The following MME variants were observed in gnomAD, a reference collection of about 807,000 sequenced individuals.
MME encodes the protein membrane metalloendopeptidase.
MME carries 98 observed loss-of-function variants against 113.2 expected under a neutral mutation model. The ratio of observed to expected loss-of-function variants is 0.87; its 90% CI spans 0.74 to 1.02. The LOEUF (loss-of-function observed/expected upper bound fraction) is 1.02. MME is among the 50% of genes least tolerant of loss of function. MME has a pLI of 0.00. For missense variants in MME, 836 were observed against 896.0 expected (o/e 0.93, Z 0.86); for synonymous variants, 292 against 300.6 (o/e 0.97, Z 0.30).
In MME at chr3:155,142,254, T is replaced by C. The variant is rs200216802; in HGVS notation, c.1112T>C (p.Met371Thr). ...TTATACAGAGATCTTCAAAATTTAA[T>C]GTCCTGGAGATTCATAATGGATCTT... ...KYSARDLQNL[M>T]SWRFIMDLVS... Residue 371 changes from methionine to threonine, a missense_variant, in exon 12 of 23, where the codon ATG (methionine) becomes ACG (threonine). Physicochemically the swap from Met to Thr is moderately conservative, Grantham distance 81. Transcript: ENST00000360490. 2 of 1,613,664 alleles carry C rather than the reference T, an allele frequency of 1.2e-6. No homozygotes were observed. The highest frequency in any genetic ancestry group is 1.7e-6 in the Non-Finnish European group (2 of 1,179,690).
chr3:155,084,083 C>A, intron 1 of MME, 75 bp from the exon 2 acceptor site: 1 of 1,272,944 alleles, frequency 7.9e-7, no homozygotes, highest in South Asian at 1.2e-5. Context: ...TACTTTTATC[C>A]AGCCACATTA....
At chr3:155,127,851 A>C (rs185765721) in intron 8 of MME, among the ~76,000 whole-genome samples, 2 of 152,338 alleles carry the variant, frequency 1.3e-5, no homozygotes, top group African/African-American at 4.8e-5. Flanking sequence ...CAATTTCTTA[A>C]GAGTTGGTAC....
At chr3:155,063,229 T>A (rs1449045450) in intron 1 of MME, among the ~76,000 whole-genome samples, 41 of 111,804 alleles carry the variant, frequency 3.7e-4, no homozygotes, top group Admixed American at 3.0e-3. Flanking sequence ...CATATGTATA[T>A]TATTATATAT....
intron 19 of MME, 38 bp from the exon 20 acceptor site, chr3:155,168,693 CT>C (rs768853027): frequency 3.9e-5 from 63 of 1,611,828 alleles, no homozygotes; most frequent in Non-Finnish European, 5.3e-5. Flanking sequence ...TTGGTGGTTT[CT>C]TTTTTTAACA....
intron 12 of MME, among the ~76,000 whole-genome samples, chr3:155,143,030 C>G (rs928058145): frequency 6.6e-6 from 1 of 152,116 alleles, no homozygotes; most frequent in Non-Finnish European, 1.5e-5. Context: ...TAAATTTATA[C>G]ACATACAGGT....
chr3:155,182,344 G>A lies in MME; in HGVS notation c.*1885G>A, dbSNP rs991410439. ...GGGCACTTGAGAACTTTCCATTTTG[G>A]CGCTATTACAAATAGTGCAACTATG... On this transcript the variant is annotated 3_prime_UTR_variant, in exon 23 of 23. Transcript: ENST00000360490. 2.6e-5 allele frequency: 4 copies of A among 151,980 alleles called. No individual in the cohort carries two copies. Among genetic ancestry groups the A allele is most frequent in the Non-Finnish European group, 4.4e-5 (3 of 68,022 alleles). 9.4% of individuals were successfully genotyped at this position (151,980 alleles called of 1,614,324 possible).
chr3:155,085,006 A>C, intron 2 of MME, 53 bp from the exon 3 acceptor site: 1 of 1,292,686 alleles, frequency 7.7e-7, no homozygotes, highest in African/African-American at 1.5e-5. Flanking sequence ...AGAAAAATAG[A>C]AATTTAAAAA....
At chr3:155,070,778 C>T (rs1714524911) in intron 1 of MME, among the ~76,000 whole-genome samples, 1 of 152,128 alleles carries the variant, frequency 6.6e-6, no homozygotes, top group African/African-American at 2.4e-5. Context: ...CATTTCTTCA[C>T]CTTGCTTGTC....
At chr3:155,114,337 G>A (rs1262289070) in intron 3 of MME, among the ~76,000 whole-genome samples, 1 of 152,166 alleles carries the variant, frequency 6.6e-6, no homozygotes, top group Non-Finnish European at 1.5e-5. Context: ...AATACTCAGT[G>A]TTGGTTGATT....
intron 1 of MME, chr3:155,081,834 T>A (rs984950744): frequency 3.9e-5 from 6 of 152,204 alleles, no homozygotes; most frequent in African/African-American, 9.7e-5. Context: ...TAAACTTGCA[T>A]CATTTCTGCT....
At chr3:155,038,851 C>G (rs1440948115) in intron 1 of MME, among the ~76,000 whole-genome samples, 4 of 152,028 alleles carry the variant, frequency 2.6e-5, no homozygotes, top group African/African-American at 9.7e-5. Context: ...TTTTGAATAT[C>G]TGGGTTGTCT....
At chr3:155,174,379 T>TGTGA (rs1491149237) in intron 22 of MME, among the ~76,000 whole-genome samples, 2 of 121,870 alleles carry the variant, frequency 1.6e-5, no homozygotes, top group African/African-American at 6.4e-5. Context: ...TGTGTGTGTG[T>TGTGA]GAAGGGTAAA....
rs200482300 is a variant in MME, at chr3:155,142,287, G to C, written c.1145G>C (p.Ser382Thr). ...SWRFIMDLVS[S>T]LSRTYKESRN... is the part of the protein sequence containing the mutation. ...AGATTCATAATGGATCTTGTAAGCA[G>C]CCTCAGCCGAACCTACAAGGAGTCC... Residue 382 changes from serine to threonine, a missense_variant, in exon 12 of 23, where the codon AGC becomes ACC. Transcript: ENST00000360490. The C allele has an allele frequency of 9.3e-6, 15 of 1,613,612 alleles. No individual in the cohort carries two copies. The highest frequency in any genetic ancestry group is 1.2e-5 in the Non-Finnish European group (14 of 1,179,708).
At chr3:155,119,620 A>C (rs1718942243) in intron 8 of MME, among the ~76,000 whole-genome samples, 1 of 136,856 alleles carries the variant, frequency 7.3e-6, no homozygotes, top group Non-Finnish European at 1.5e-5. Flanking sequence ...TCCTGTGTCC[A>C]TGTGATCTCA....
rs576731590 is a variant in MME, at chr3:155,167,462, A to G, written c.1780+441A>G. Among the ~76,000 whole-genome samples, 167 of 151,210 alleles carry G rather than the reference A, an allele frequency of 1.1e-3. 2 individuals carry two copies. Among genetic ancestry groups the G allele is most frequent in the Non-Finnish European group, 1.9e-3 (128 of 67,864 alleles). ...AGAGACCTTTTTTTTTTCGTCTTGT[A>G]CCTACTACCTAGTTCAAGTCTTTGC... On this transcript the variant is annotated intron_variant, in intron 18 of 22. Transcript: ENST00000360490.
intron 1 of MME, among the ~76,000 whole-genome samples, chr3:155,028,397 G>A (rs773407212): frequency 2.0e-5 from 3 of 152,216 alleles, no homozygotes; most frequent in Non-Finnish European, 4.4e-5. Context: ...TGGGAATAGA[G>A]AGGACAGTTA....
At position 155,148,649 on chromosome 3, in the gene MME, G is replaced by A. The variant is rs763144662; in HGVS notation, c.1597G>A (p.Asp533Asn). ...LKKLREKVDK[D>N]EWISGAAVVN... ...GAAGCTCCGAGAAAAGGTGGACAAA[G>A]ATGAGTGCGTATATTCTCATTTCTA... Residue 533 changes from aspartate to asparagine, a missense_variant, in exon 16 of 23, where the codon GAT becomes AAT. By Grantham distance (23) the Asp-to-Asn change is conservative (BLOSUM62 1). Coordinates refer to ENST00000360490, the MANE Select transcript of MME (RefSeq NM_007289.4). 3.1e-6 allele frequency: 5 copies of A among 1,607,000 alleles called. No homozygotes were observed. The highest frequency in any genetic ancestry group is 4.3e-6 in the Non-Finnish European group (5 of 1,173,818).
At chr3:155,098,602 G>A (rs551183035) in intron 3 of MME, among the ~76,000 whole-genome samples, 3 of 150,990 alleles carry the variant, frequency 2.0e-5, no homozygotes, top group South Asian at 2.1e-4. Flanking sequence ...CAGTGAAGTC[G>A]AGGAACAGGT....
intron 3 of MME, among the ~76,000 whole-genome samples, chr3:155,093,468 C>G (rs1716465109): frequency 6.6e-6 from 1 of 152,150 alleles, no homozygotes; most frequent in South Asian, 2.1e-4. Context: ...ACTTGGTCTA[C>G]CACAGAGCAG....
Sources: allele counts gnomAD v4.1 joint callset (sites outside exome capture counted in the v4.1 genomes callset), GRCh38; gene constraint gnomAD v4.1.1; transcripts MANE v1.5; gene names NCBI Gene and HGNC (gene_info 2026-07-23, HGNC 2026-07-21).